Variants in USH2A observed in about 807,000 individuals in gnomAD.
USH2A encodes the protein Usher syndrome 2A (autosomal recessive, mild).
USH2A carries 443 observed loss-of-function variants against 538.9 expected under a neutral mutation model. That is an observed-to-expected ratio of 0.82 (90% CI 0.76 to 0.89). The LOEUF is 0.89. Among genes scored for constraint, USH2A ranks in the 40% least tolerant of loss-of-function variants. USH2A has a pLI of 0.00. For missense variants in USH2A, 6,633 were observed against 6,324.8 expected (o/e 1.05, Z -1.65); for synonymous variants, 2,413 against 2,273.5 (o/e 1.06, Z -1.75).
intron 3 of USH2A, among the ~76,000 whole-genome samples, chr1:216,386,484 CAAAA>C (rs1167112724): frequency 0.029 from 2,132 of 74,346 alleles, 55 homozygotes; most frequent in African/African-American, 0.074. Context: ...AGACTCGTCT[CAAAA>C]AAACAAACAA....
chr1:215,766,588 T>A, intron 56 of USH2A, 93 bp downstream of exon 56: 1 of 1,184,798 alleles, frequency 8.4e-7, no homozygotes, highest in South Asian at 1.2e-5. Flanking sequence ...CTTTATTGCC[T>A]CTTCCTTATT....
chr1:216,016,677 G>A (rs1459929775), intron 32 of USH2A, among the ~76,000 whole-genome samples: 1 of 152,152 alleles, frequency 6.6e-6, no homozygotes, highest in Non-Finnish European at 1.5e-5. Context: ...GAACAAGGAT[G>A]TATCTTATGA....
chr1:215,643,640 C>T (rs767641388), intron 67 of USH2A, among the ~76,000 whole-genome samples: 3 of 151,926 alleles, frequency 2.0e-5, no homozygotes, highest in Non-Finnish European at 4.4e-5. Flanking sequence ...ATCCTCCTGC[C>T]TCAGTCTTCT....
chr1:215,959,933 G>A (rs17025758), intron 37 of USH2A, among the ~76,000 whole-genome samples: 3,182 of 152,066 alleles, frequency 0.021, 66 homozygotes, highest in South Asian at 0.082. Flanking sequence ...GGATAATGAA[G>A]AATTAAACAA....
chr1:216,081,998 G>A (rs530461320), intron 26 of USH2A, among the ~76,000 whole-genome samples: 9 of 152,028 alleles, frequency 5.9e-5, no homozygotes, highest in Non-Finnish European at 8.8e-5. Context: ...GAGGGTGGAA[G>A]CATGGCATAG....
chr1:215,622,914 T>TAAGC lies in USH2A; in HGVS notation c.*2863_*2866dup, dbSNP rs1655837694. On this transcript the variant is annotated 3_prime_UTR_variant, in exon 72 of 72. Coordinates refer to ENST00000307340, the MANE Select transcript of USH2A (RefSeq NM_206933.4). ...AATTAGGTCACATTCAAATATTTAT[T>TAAGC]AAGCAAACCATCTTTAGATTAGTTT... 6.6e-6 allele frequency: 1 copy of TAAGC among 152,140 alleles called. No individual in the cohort carries two copies. Among genetic ancestry groups the TAAGC allele is most frequent in the African/African-American group, 2.4e-5 (1 of 41,456 alleles). 9.4% of individuals were successfully genotyped at this position (152,140 alleles called of 1,614,324 possible).
At chr1:216,392,543 T>C (rs1358032382) in intron 3 of USH2A, among the ~76,000 whole-genome samples, 1 of 148,036 alleles carries the variant, frequency 6.8e-6, no homozygotes, top group Non-Finnish European at 1.5e-5. Context: ...TTCCCTGAAC[T>C]CTCACACTAG....
chr1:216,336,900 T>C (rs1434852492), intron 4 of USH2A, among the ~76,000 whole-genome samples: 1 of 151,476 alleles, frequency 6.6e-6, no homozygotes, highest in Non-Finnish European at 1.5e-5. Flanking sequence ...AGAAGAAATA[T>C]AATCGTGGCA....
chr1:215,895,646 A>G (rs1165842936), intron 40 of USH2A, among the ~76,000 whole-genome samples: 1 of 152,178 alleles, frequency 6.6e-6, no homozygotes, highest in African/African-American at 2.4e-5. Flanking sequence ...CAGTAAGACA[A>G]TTTCCTTCAT....
At chr1:215,906,872 G>A (rs1055098286) in intron 38 of USH2A, among the ~76,000 whole-genome samples, 1 of 151,988 alleles carries the variant, frequency 6.6e-6, no homozygotes, top group African/African-American at 2.4e-5. Flanking sequence ...TTTGACCATA[G>A]AATATTCAAA....
chr1:215,825,815 G>A (rs1571723139), intron 47 of USH2A, among the ~76,000 whole-genome samples: 2 of 152,144 alleles, frequency 1.3e-5, no homozygotes, highest in African/African-American at 4.8e-5. Flanking sequence ...TTCAAGTCAA[G>A]TCACTGAATA....
In USH2A at chr1:215,779,824, T is replaced by A. The variant is rs777564494; in HGVS notation, c.10939+19A>T. On this transcript the variant is annotated intron_variant, in intron 55 of 71. Coordinates refer to ENST00000307340, the MANE Select transcript of USH2A (RefSeq NM_206933.4). ...GACAGACTCCTCCAGTAGGATTTCCTTTTTTTTTGTTTTCTCACCTGTGAC... is the reference window on the plus strand; with the variant it reads ...GACAGACTCCTCCAGTAGGATTTCCATTTTTTTTGTTTTCTCACCTGTGAC... The A allele has an allele frequency of 7.5e-6, 12 of 1,593,028 alleles. No homozygotes were observed.
intron 32 of USH2A, among the ~76,000 whole-genome samples, chr1:216,011,470 C>A (rs535372641): frequency 6.6e-6 from 1 of 152,136 alleles, no homozygotes; most frequent in East Asian, 1.9e-4. Flanking sequence ...CCCTGCTGAT[C>A]GTGTCTGATT....
intron 35 of USH2A, among the ~76,000 whole-genome samples, chr1:215,987,457 T>C (rs1667898410): frequency 6.6e-6 from 1 of 152,206 alleles, no homozygotes; most frequent in South Asian, 2.1e-4. Context: ...AATCACAGCC[T>C]GTAAAGAACA....
At chr1:215,732,253 G>A (rs1660016498) in intron 60 of USH2A, among the ~76,000 whole-genome samples, 1 of 152,138 alleles carries the variant, frequency 6.6e-6, no homozygotes, top group South Asian at 2.1e-4. Context: ...TAGAGACTTG[G>A]CTGTTGAGGG....
rs975295993 is a variant in USH2A at position 215,897,680 on chromosome 1, C to T, written c.7594+2395G>A. Reference sequence around the variant, plus strand: ...CTCCAGCCTGGGCGATAGAGTGAAACGCTGTCTCAAAAAATGAAGGAAAGG... The same window carrying T: ...CTCCAGCCTGGGCGATAGAGTGAAATGCTGTCTCAAAAAATGAAGGAAAGG... On this transcript the variant is annotated intron_variant, in intron 40 of 71. Transcript: ENST00000307340. Among the ~76,000 whole-genome samples, 18 of 146,384 alleles carry T rather than the reference C, an allele frequency of 1.2e-4. No homozygotes were observed. In the South Asian group the frequency reaches 1.9e-3, roughly 16 times the overall value.
chr1:216,281,458 G>GAAACA (rs2036774368), intron 11 of USH2A, among the ~76,000 whole-genome samples: 2 of 151,944 alleles, frequency 1.3e-5, no homozygotes, highest in Non-Finnish European at 2.9e-5. Flanking sequence ...TTTGCACTTG[G>GAAACA]AAACAAAACA....
At chr1:215,747,839 T>C (rs1269939027) in intron 58 of USH2A, among the ~76,000 whole-genome samples, 1 of 152,140 alleles carries the variant, frequency 6.6e-6, no homozygotes, top group African/African-American at 2.4e-5. Context: ...AATAAAAGGC[T>C]GTTGTTTGAA....
At chr1:215,745,983 C>T (rs1026010177) in intron 58 of USH2A, among the ~76,000 whole-genome samples, 1 of 152,132 alleles carries the variant, frequency 6.6e-6, no homozygotes, top group African/African-American at 2.4e-5. Flanking sequence ...TGAAATACAC[C>T]TGCTTTGGAG....
Sources: gnomAD v4.1 joint callset for allele counts (sites outside exome capture counted in the v4.1 genomes callset) on GRCh38, gnomAD v4.1.1 for gene constraint, MANE v1.5 for transcripts, NCBI Gene and HGNC (gene_info 2026-07-23, HGNC 2026-07-21) for gene names.